SOCS2: variants seen among roughly 807,000 people sequenced by gnomAD.
SOCS2 encodes suppressor of cytokine signaling 2, also known as CIS-2.
In SOCS2, 10 loss-of-function variants were observed where a neutral mutation model predicts 18.6. That is an observed-to-expected ratio of 0.54 (90% CI 0.33 to 0.91). SOCS2 has a LOEUF of 0.91. SOCS2 is among the 40% of genes least tolerant of loss of function. SOCS2 has a pLI of 0.02. For synonymous variants in SOCS2, 104 were observed against 104.0 expected (o/e 1.00, Z 0.00); for missense variants, 231 against 247.2 (o/e 0.93, Z 0.44).
chr12:93,574,626 C>A (rs1954401139), intron 1 of SOCS2, 96 bp from the exon 2 acceptor site: 2 of 788,814 alleles, frequency 2.5e-6, no homozygotes, highest in Non-Finnish European at 3.6e-6. Flanking sequence ...TTTTTTAGAG[C>A]TAAAAAAATT....
chr12:93,608,362 T>C, the SOCS2 span, among the ~76,000 whole-genome samples: 1 of 152,148 alleles, frequency 6.6e-6, no homozygotes, highest in Admixed American at 6.5e-5. Context: ...TTTTGATGAA[T>C]GTATATAGGA....
the SOCS2 span, among the ~76,000 whole-genome samples, chr12:93,614,547 CTTTCTTT>C: frequency 3.9e-5 from 1 of 25,574 alleles, no homozygotes; most frequent in Non-Finnish European, 6.5e-5. Context: ...TTCCTTCTTT[CTTTCTTT>C]CTTTCTTTCT....
At chr12:93,588,869 G>A in the SOCS2 span, among the ~76,000 whole-genome samples, 1 of 151,902 alleles carries the variant, frequency 6.6e-6, no homozygotes, top group African/African-American at 2.4e-5. Context: ...TGATCCACCC[G>A]CCTCGGCCTC....
downstream of SOCS2, among the ~76,000 whole-genome samples, chr12:93,579,526 C>T (rs535442984): frequency 5.3e-5 from 8 of 152,112 alleles, no homozygotes; most frequent in South Asian, 6.2e-4. Flanking sequence ...TTCATTTGCA[C>T]GGAATAAAAA....
the SOCS2 span, among the ~76,000 whole-genome samples, chr12:93,615,107 C>A: frequency 6.6e-6 from 1 of 152,138 alleles, no homozygotes; most frequent in Admixed American, 6.5e-5. Flanking sequence ...ACCCTCTCCC[C>A]CACTGGGATA....
At chr12:93,595,188 T>G in the SOCS2 span, among the ~76,000 whole-genome samples, 1 of 152,192 alleles carries the variant, frequency 6.6e-6, no homozygotes, top group Non-Finnish European at 1.5e-5. Context: ...ATGCTCAGCT[T>G]TTTCTTTTTC....
chr12:93,570,999 T>C (rs1372174098), upstream of SOCS2: 2 of 153,938 alleles, frequency 1.3e-5, no homozygotes, highest in East Asian at 3.9e-4. Flanking sequence ...CGCGTCGGTC[T>C]GGGAAGTCGC....
intron 1 of SOCS2, chr12:93,573,357 C>A (rs973969985): frequency 1.4e-5 from 7 of 493,990 alleles, no homozygotes; most frequent in Non-Finnish European, 2.5e-5. Context: ...CCGGGGAAAG[C>A]GTCGGGCGCC....
chr12:93,590,868 TTTATA>T, the SOCS2 span, among the ~76,000 whole-genome samples: 1 of 150,052 alleles, frequency 6.7e-6, no homozygotes, highest in African/African-American at 2.5e-5. Flanking sequence ...CTTTTCTTCA[TTTATA>T]TTATAATTAT....
At chr12:93,603,352 G>A in the SOCS2 span, among the ~76,000 whole-genome samples, 44,091 of 151,802 alleles carry the variant, frequency 0.29, 6,556 homozygotes, top group African/African-American at 0.37. Flanking sequence ...ATTTTTTTAG[G>A]TGGGAAAAAG....
At chr12:93,611,385 G>T in the SOCS2 span, among the ~76,000 whole-genome samples, 253 of 152,156 alleles carry the variant, frequency 1.7e-3, 2 homozygotes, top group East Asian at 6.6e-3. Context: ...TTGCAGGTGT[G>T]TGCCACCACG....
chr12:93,573,222 A>C (rs1954325442), intron 1 of SOCS2, 186 bp downstream of exon 1: 2 of 724,612 alleles, frequency 2.8e-6, no homozygotes, highest in East Asian at 5.5e-5. Context: ...GTGGTTCTCC[A>C]GGGACTCAGG....
chr12:93,603,692 C>T, the SOCS2 span, among the ~76,000 whole-genome samples: 1 of 152,052 alleles, frequency 6.6e-6, no homozygotes, highest in Non-Finnish European at 1.5e-5. Context: ...CAGAGAAACC[C>T]GGTATTTTTC....
At chr12:93,619,369 G>A in the SOCS2 span, among the ~76,000 whole-genome samples, 2 of 152,162 alleles carry the variant, frequency 1.3e-5, no homozygotes, top group Admixed American at 1.3e-4. Context: ...GGCAGGAAGG[G>A]TGGGGCACAG....
At chr12:93,611,770 TAAAC>T in the SOCS2 span, among the ~76,000 whole-genome samples, 1 of 152,170 alleles carries the variant, frequency 6.6e-6, no homozygotes, top group African/African-American at 2.4e-5. Flanking sequence ...ATTGCAGAAA[TAAAC>T]AAAATCTAAT....
chr12:93,572,618 C>G, upstream of SOCS2: 1 of 645,608 alleles, frequency 1.5e-6, no homozygotes. This position sits in a 1 kb window ranked among gnomAD's most constrained non-coding sequence, Gnocchi z 5.0. Flanking sequence ...ACGTCTATTT[C>G]CCCACCCCCA....
chr12:93,574,881 A>G lies in SOCS2; in HGVS notation c.299A>G (p.Gln100Arg). The G allele has an allele frequency of 2.5e-6, 4 of 1,614,226 alleles. No individual in the cohort carries two copies. Among genetic ancestry groups the G allele is most frequent in the Non-Finnish European group, 3.4e-6 (4 of 1,180,042 alleles). Residue 100 changes from glutamine (Q) to arginine (R), a missense_variant, in exon 2 of 2, where the codon CAA becomes CGA. Physicochemically the swap from Gln to Arg is conservative, Grantham distance 43. Transcript: ENST00000551556. Reference sequence around the variant, plus strand: ...CCAACTAATCTTCGAATCGAATACCAAGACGGAAAATTCAGATTGGACTCT... The same window carrying G: ...CCAACTAATCTTCGAATCGAATACCGAGACGGAAAATTCAGATTGGACTCT... ...AGPTNLRIEY[Q>R]DGKFRLDSII...
chr12:93,573,320 G>T, intron 1 of SOCS2: 1 of 533,846 alleles, frequency 1.9e-6, no homozygotes, highest in Non-Finnish European at 3.3e-6. Flanking sequence ...AGCTGCTCAG[G>T]GTTAGGCTCC....
chr12:93,614,945 A>T, the SOCS2 span, among the ~76,000 whole-genome samples: 1 of 151,896 alleles, frequency 6.6e-6, no homozygotes. Flanking sequence ...ATTTAAAAAA[A>T]AAAAAAAAAG....
Sources: gnomAD v4.1 joint callset for allele counts (sites outside exome capture counted in the v4.1 genomes callset) on GRCh38, gnomAD v4.1.1 for gene constraint, Gnocchi (gnomAD v3.1) non-coding constraint, MANE v1.5 for transcripts, NCBI Gene and HGNC (gene_info 2026-07-23, HGNC 2026-07-21) for gene names.